Variants in CIZ1 observed in about 807,000 individuals in gnomAD.
The protein encoded by CIZ1 is CDKN1A interacting zinc finger protein 1.
In CIZ1, 58 loss-of-function variants were observed where a neutral mutation model predicts 118.6. That is an observed-to-expected ratio of 0.49 (90% CI 0.40 to 0.61). The LOEUF (loss-of-function observed/expected upper bound fraction) is 0.61, where lower values mean the gene tolerates loss of function less well. Among genes scored for constraint, CIZ1 ranks in the 20% least tolerant of loss-of-function variants. The pLI is 0.00. For synonymous variants in CIZ1, 448 were observed against 443.4 expected (o/e 1.01, Z -0.13); for missense variants, 921 against 1,115.9 (o/e 0.83, Z 2.49).
chr9:128,173,969 G>A (rs1488468840), intron 11 of CIZ1, among the ~76,000 whole-genome samples: 2 of 151,720 alleles, frequency 1.3e-5, no homozygotes, highest in East Asian at 1.9e-4. Flanking sequence ...TCGCGCCACT[G>A]CACTCCAGCC....
chr9:128,178,983 C>T lies in CIZ1; in HGVS notation c.1224G>A (p.Gln408=). The part of the protein sequence containing the change: ...EPLKQVQPQV[Q]PQAHSQPPRQ... ...TTGGGGGCTGTGAATGTGCCTGGGG[C>T]TGCACCTGTGGCTGCACCTGCTTCA... Residue 408 remains glutamine, a synonymous_variant, in exon 8 of 17, where the codon CAG becomes CAA. Coordinates refer to ENST00000372938, the MANE Select transcript of CIZ1 (RefSeq NM_001131016.2). 1 of 1,612,996 alleles carries T rather than the reference C, an allele frequency of 6.2e-7. No individual in the cohort carries two copies. The highest frequency in any genetic ancestry group is 1.1e-5 in the South Asian group (1 of 90,632).
At chr9:128,192,891 G>T (rs1199784234), upstream of CIZ1, among the ~76,000 whole-genome samples, 1 of 152,224 alleles carries the variant, frequency 6.6e-6, no homozygotes, top group Non-Finnish European at 1.5e-5. Context: ...CCTTGTGCGT[G>T]TCACAGCCTG....
intron 11 of CIZ1, among the ~76,000 whole-genome samples, chr9:128,175,148 C>T (rs967190255): frequency 2.6e-5 from 4 of 152,200 alleles, no homozygotes; most frequent in Non-Finnish European, 5.9e-5. Context: ...TCTGCAGATG[C>T]AATTTTGAAT....
Position 128,169,201 on chromosome 9 carries a change from G to A in CIZ1, c.2146C>T (p.Leu716=). The A allele has an allele frequency of 1.2e-6, 2 of 1,614,164 alleles. No homozygotes were observed. Among genetic ancestry groups the A allele is most frequent in the East Asian group, 2.2e-5 (1 of 44,880 alleles). The change falls in exon 14 of 17, where the codon CTG becomes TTG. Residue 716 remains leucine, a splice_region_variant and synonymous_variant. Transcript: ENST00000372938. ...GCAATTTCTTTCTCAAGCGACTTCA[G>A]CTGCCCAGGGAGTAGGCAAGGAGCT... ...SQGHKDKAKE[L]KSLEKEIAGQ... is the part of the protein sequence containing the mutation.
At chr9:128,184,528 T>A (rs957176213) in intron 5 of CIZ1, among the ~76,000 whole-genome samples, 7 of 150,404 alleles carry the variant, frequency 4.7e-5, no homozygotes, top group African/African-American at 1.7e-4. Flanking sequence ...GGTCTCACTT[T>A]GTCACCCAGG....
chr9:128,183,705 A>G (rs1227001865), intron 5 of CIZ1, among the ~76,000 whole-genome samples: 1 of 152,260 alleles, frequency 6.6e-6, no homozygotes, highest in Admixed American at 6.5e-5. Flanking sequence ...CGTATAGCTT[A>G]GGATTTTATA....
At chr9:128,194,303 A>C (rs1038348427), upstream of CIZ1, among the ~76,000 whole-genome samples, 34 of 145,772 alleles carry the variant, frequency 2.3e-4, 1 homozygote. Context: ...CGGAGGTTGC[A>C]GTGAGCCAAG....
At chr9:128,192,284 C>T (rs946249017), upstream of CIZ1, among the ~76,000 whole-genome samples, 15 of 151,536 alleles carry the variant, frequency 9.9e-5, no homozygotes, top group Admixed American at 6.6e-5. Flanking sequence ...GCAAGAGGAT[C>T]ACTTGAGCCC....
intron 3 of CIZ1, among the ~76,000 whole-genome samples, chr9:128,189,654 T>C (rs1832878407): frequency 6.6e-6 from 1 of 151,738 alleles, no homozygotes; most frequent in Non-Finnish European, 1.5e-5. Context: ...ACCCCGTCTC[T>C]ACTAAAAATA....
intron 11 of CIZ1, among the ~76,000 whole-genome samples, chr9:128,174,459 A>G (rs926732711): frequency 5.3e-5 from 8 of 152,184 alleles, no homozygotes; most frequent in African/African-American, 1.9e-4. Context: ...CCCTGGGTCC[A>G]GCTGTATCTC....
At chr9:128,169,301 G>A in intron 13 of CIZ1, 100 bp from the exon 14 acceptor site, 3 of 995,090 alleles carry the variant, frequency 3.0e-6, no homozygotes, top group Non-Finnish European at 4.3e-6. Context: ...AATCCCTCCA[G>A]ACCCGCTGTG....
chr9:128,198,436 T>C (rs1258799610), intron 1 of CIZ1: 3 of 152,234 alleles, frequency 2.0e-5, no homozygotes, highest in Admixed American at 2.0e-4. Flanking sequence ...TGACTAAATA[T>C]AATGACTTGA....
chr9:128,194,979 A>G (rs562884542), upstream of CIZ1, among the ~76,000 whole-genome samples: 3 of 152,068 alleles, frequency 2.0e-5, no homozygotes, highest in South Asian at 4.1e-4. Flanking sequence ...CACCACGCCC[A>G]GCAAATTTTT....
rs759806019 is a variant in CIZ1 at position 128,179,245 on chromosome 9, T to C, written c.962A>G (p.Gln321Arg). ...CCGCGGCTGAGTCTGTGACTGCACC[T>C]GGGCCTGGACCTGCAGGACCCGTGG... The part of the protein sequence containing the change: ...FQPRVLQVQA[Q>R]VQSQTQPRIP... Residue 321 changes from glutamine (Q) to arginine (R), a missense_variant, in exon 8 of 17, where the codon CAG becomes CGG. By Grantham distance (43) the Gln-to-Arg change is conservative. Transcript: ENST00000372938. 14 of 1,614,068 alleles carry C rather than the reference T, an allele frequency of 8.7e-6. No homozygotes were observed. The Admixed American group carries it at 2.3e-4, about 27-fold the overall frequency.
chr9:128,194,788 A>G (rs183900280), upstream of CIZ1, among the ~76,000 whole-genome samples: 2 of 152,326 alleles, frequency 1.3e-5, no homozygotes, highest in East Asian at 3.9e-4. Context: ...GTTGCACTCC[A>G]GCCTGGGCAA....
intron 1 of CIZ1, among the ~76,000 whole-genome samples, chr9:128,200,600 G>A (rs142469585): frequency 0.034 from 5,186 of 151,316 alleles, 287 homozygotes; most frequent in African/African-American, 0.11. Flanking sequence ...AGAGGTTGCA[G>A]TGAGCTGAGA....
At chr9:128,167,270 C>A in intron 14 of CIZ1, 106 bp from the exon 15 acceptor site, 1 of 820,464 alleles carries the variant, frequency 1.2e-6, no homozygotes. Flanking sequence ...CACAGAATCC[C>A]CTTGATTTCC....
Position 128,177,546 on chromosome 9 carries a change from C to CCAAAAAAAAGG in CIZ1, c.1818+19_1818+20insCCTTTTTTTTG. The stretch of plus-strand genomic sequence containing the variant: ...CACGCAGGCCCCACCCCTCCCCACC[C>CCAAAAAAAAGG]TTATCTCCTGTATCAGTACCTGCTG... On this transcript the variant is annotated intron_variant, in intron 10 of 16. Transcript: ENST00000372938. 3 of 1,353,454 alleles carry CCAAAAAAAAGG rather than the reference C, an allele frequency of 2.2e-6. No homozygotes were observed. Among genetic ancestry groups the CCAAAAAAAAGG allele is most frequent in the Non-Finnish European group, 2.0e-6 (2 of 1,013,750 alleles). The allele number at this position is 1,353,454 out of a possible 1,614,324, so 83.8% of individuals were successfully genotyped here.
Position 128,166,259 on chromosome 9 carries a change from T to G in CIZ1, c.2635A>C (p.Lys879Gln). The G allele has an allele frequency of 7.9e-7, 1 of 1,261,024 alleles. No individual in the cohort carries two copies. Among genetic ancestry groups the G allele is most frequent in the East Asian group, 5.4e-5 (1 of 18,614 alleles). The allele number at this position is 1,261,024 out of a possible 1,614,324, so 78.1% of individuals were successfully genotyped here. A position where few individuals can be genotyped will look rare whatever the true frequency, so the allele number is the denominator to read the frequency against. ...QPNTQDKTPS[K>Q]VTARPSQPPL... ...GGCTGGGAGGGTCGAGCCGTCACCTTGCTGGGTGTTTTGTCCTGGGTGTTG... is the reference window on the plus strand; with the variant it reads ...GGCTGGGAGGGTCGAGCCGTCACCTGGCTGGGTGTTTTGTCCTGGGTGTTG... The change falls in exon 17 of 17, where the codon AAG becomes CAG. Residue 879 changes from lysine to glutamine, a missense_variant. By Grantham distance (53) the Lys-to-Gln change is moderately conservative. Transcript: ENST00000372938. This position sits in a 1 kb window ranked among gnomAD's most constrained non-coding sequence, Gnocchi z 4.4.
Sources: allele counts gnomAD v4.1 joint callset (sites outside exome capture counted in the v4.1 genomes callset), GRCh38; gene constraint gnomAD v4.1.1; non-coding constraint Gnocchi (gnomAD v3.1); transcripts MANE v1.5; gene names NCBI Gene and HGNC (gene_info 2026-07-23, HGNC 2026-07-21).